SCAF11: variants seen among roughly 807,000 people sequenced by gnomAD.
The protein encoded by SCAF11 is SR-related CTD associated factor 11.
A neutral mutation model predicts 140.5 loss-of-function variants in SCAF11; 47 were observed. The observed-to-expected ratio is 0.33, with a 90% CI of 0.26 to 0.43. The LOEUF (loss-of-function observed/expected upper bound fraction) is 0.43, where lower values mean the gene tolerates loss of function less well. SCAF11 is among the 20% of genes least tolerant of loss of function. SCAF11 has a pLI of 1.00. For synonymous variants in SCAF11, 557 were observed against 579.4 expected (o/e 0.96, Z 0.55); for missense variants, 1,645 against 1,705.1 (o/e 0.96, Z 0.62).
intron 1 of SCAF11, among the ~76,000 whole-genome samples, chr12:45,984,581 T>C (rs1387295773): frequency 1.3e-5 from 2 of 152,220 alleles, no homozygotes; most frequent in Admixed American, 6.5e-5. Flanking sequence ...GACTGTAAAA[T>C]AGCCCATTCC....
chr12:45,980,539 T>C lies in SCAF11; in HGVS notation c.-22+9814A>G, dbSNP rs140493845. ...GGAAACACCTAGCAAGTGATGGAGC[T>C]GGGACTGAAATTCAGATAATCAGGC... is the stretch of plus-strand genomic sequence containing the variant. On this transcript the variant is annotated intron_variant, in intron 1 of 14. Coordinates refer to ENST00000369367, the MANE Select transcript of SCAF11 (RefSeq NM_004719.3). 2.6e-5 allele frequency among the ~76,000 whole-genome samples: 4 copies of C among 152,282 alleles called. No individual in the cohort carries two copies. In the East Asian group the frequency reaches 7.7e-4, roughly 29 times the overall value.
chr12:45,970,797 C>T lies in SCAF11; in HGVS notation c.-21-6609G>A, dbSNP rs146751109. 1.2e-4 allele frequency among the ~76,000 whole-genome samples: 19 copies of T among 152,322 alleles called. 1 individual carries two copies. In the East Asian group the frequency reaches 2.7e-3, roughly 22 times the overall value. On this transcript the variant is annotated intron_variant, in intron 1 of 14. Transcript: ENST00000369367. ...AAAATTAAGAAGCTGAAGTCACCCA[C>T]ATTTACAGGTCTTTTAATAAAATCA...
chr12:45,935,639 TTAACGAGTA>T (rs1565666989), intron 6 of SCAF11, among the ~76,000 whole-genome samples: 1 of 152,216 alleles, frequency 6.6e-6, no homozygotes, highest in Non-Finnish European at 1.5e-5. Flanking sequence ...CACTCAACAC[TTAACGAGTA>T]TGTAGTGTTT....
Position 45,990,514 on chromosome 12 carries a change from G to A in SCAF11, c.-183C>T. ...ACTCCGCTGGCTCGGTCCGGAGGCGGCGGCGAAGCAGGGAGCGACCCAGGT... is the reference window on the plus strand; with the variant it reads ...ACTCCGCTGGCTCGGTCCGGAGGCGACGGCGAAGCAGGGAGCGACCCAGGT... On this transcript the variant is annotated 5_prime_UTR_variant, in exon 1 of 15. Coordinates refer to ENST00000369367, the MANE Select transcript of SCAF11 (RefSeq NM_004719.3). The A allele has an allele frequency of 8.1e-7, 1 of 1,232,034 alleles. No homozygotes were observed. Among genetic ancestry groups the A allele is most frequent in the Non-Finnish European group, 1.0e-6 (1 of 988,260 alleles). 76.3% of individuals were successfully genotyped at this position (1,232,034 alleles called of 1,614,324 possible).
intron 1 of SCAF11, among the ~76,000 whole-genome samples, chr12:45,973,916 C>T (rs1180419803): frequency 6.6e-6 from 1 of 152,166 alleles, no homozygotes; most frequent in African/African-American, 2.4e-5. Context: ...CCTGAGCAAA[C>T]ATAGTTAACT....
intron 1 of SCAF11, among the ~76,000 whole-genome samples, chr12:45,979,523 C>T (rs1488317703): frequency 6.6e-6 from 1 of 152,140 alleles, no homozygotes; most frequent in Admixed American, 6.5e-5. Context: ...TGCACAAATG[C>T]TGAAAGTTAC....
chr12:45,962,149 T>C (rs1053679500), intron 2 of SCAF11, among the ~76,000 whole-genome samples: 7 of 152,190 alleles, frequency 4.6e-5, no homozygotes, highest in Non-Finnish European at 8.8e-5. Flanking sequence ...TTTATCCCCA[T>C]CCAGTTCCAA....
intron 3 of SCAF11, chr12:45,955,694 T>C (rs1054267975): frequency 2.0e-5 from 3 of 153,572 alleles, no homozygotes; most frequent in African/African-American, 7.2e-5. Context: ...TTGCCTTAAA[T>C]ACAATAAAAA....
At chr12:45,974,499 T>G in intron 1 of SCAF11, 1 of 238,586 alleles carries the variant, frequency 4.2e-6, no homozygotes, top group South Asian at 5.1e-5. Flanking sequence ...ATCAACTAAG[T>G]TTATATACTA....
rs201355293 is a variant in SCAF11, at chr12:45,927,743, C to T, written c.1958G>A (p.Gly653Glu). 1 of 1,612,330 alleles carries T rather than the reference C, an allele frequency of 6.2e-7. No homozygotes were observed. Residue 653 changes from glycine (G) to glutamate (E), a missense_variant, in exon 11 of 15, where the codon GGG (glycine) becomes GAG (glutamate). Around this residue, in one of 2 missense-constraint regions of SCAF11, gnomAD observed 1,582 missense variants for 1,609.2 expected, o/e 0.98. Coordinates refer to ENST00000369367, the MANE Select transcript of SCAF11 (RefSeq NM_004719.3). ...TTGAATATTATTGAAATCTTCATTC[C>T]CAAAAGTATCACATGTTGCAATTAT... Reference protein sequence around the residue: ...VEIIATCDTFGNEDFNNIQDS... With the variant: ...VEIIATCDTFENEDFNNIQDS...
At chr12:45,986,991 G>A (rs765432197) in intron 1 of SCAF11, among the ~76,000 whole-genome samples, 7 of 152,168 alleles carry the variant, frequency 4.6e-5, no homozygotes, top group Non-Finnish European at 5.9e-5. Context: ...ACTCTTAGCT[G>A]AGGCATTCTT....
At chr12:45,991,238 G>C (rs986236242), upstream of SCAF11, among the ~76,000 whole-genome samples, 14 of 152,134 alleles carry the variant, frequency 9.2e-5, no homozygotes, top group Non-Finnish European at 2.9e-5. Flanking sequence ...CCGAGCCTAG[G>C]GGCTTTCCCA....
intron 6 of SCAF11, among the ~76,000 whole-genome samples, chr12:45,938,283 A>G (rs556743243): frequency 6.6e-6 from 1 of 152,258 alleles, no homozygotes; most frequent in Admixed American, 6.5e-5. Flanking sequence ...TGAGGTCAGG[A>G]GTTCGAGACC....
chr12:45,955,094 G>T (rs1445151904), intron 3 of SCAF11: 1 of 151,986 alleles, frequency 6.6e-6, no homozygotes, highest in Non-Finnish European at 1.5e-5. Flanking sequence ...TATATAAAAT[G>T]TAATTACCTA....
Position 45,926,111 on chromosome 12 carries a change from C to T in SCAF11, c.3559+31G>A, listed in dbSNP as rs192530303. The T allele has an allele frequency of 3.3e-6, 5 of 1,530,130 alleles. No homozygotes were observed. The African/African-American group carries it at 5.6e-5, about 17-fold the overall frequency. 94.8% of individuals were successfully genotyped at this position (1,530,130 alleles called of 1,614,324 possible). A position where few individuals can be genotyped will look rare whatever the true frequency, so the allele number is the denominator to read the frequency against. ...TAAATTTATAATTCTTCAAATAAAA[C>T]AGTATCAATAAACCAACAAGAATAC... On this transcript the variant is annotated intron_variant, in intron 11 of 14. Transcript: ENST00000369367.
In SCAF11 at chr12:45,921,123, C is replaced by CTAA. The variant is rs1479197957; in HGVS notation, c.*924_*925insTTA. 2 of 152,232 alleles carry CTAA rather than the reference C, an allele frequency of 1.3e-5. No homozygotes were observed. Among genetic ancestry groups the CTAA allele is most frequent in the African/African-American group, 4.8e-5 (2 of 41,390 alleles). The allele number at this position is 152,232 out of a possible 1,614,324, so 9.4% of individuals were successfully genotyped here. On this transcript the variant is annotated 3_prime_UTR_variant, in exon 15 of 15. Transcript: ENST00000369367. ...TCAGCCTCTCGCATAGCTGGGATTA[C>CTAA]AGGCGCCCACCACCACGCCTGGCTA... is the stretch of plus-strand genomic sequence containing the variant.
intron 1 of SCAF11, among the ~76,000 whole-genome samples, chr12:45,966,440 G>C (rs996607339): frequency 6.6e-6 from 1 of 151,010 alleles, no homozygotes; most frequent in African/African-American, 2.4e-5. Flanking sequence ...ATGTTCTAGT[G>C]GGGAAGACAA....
intron 3 of SCAF11, chr12:45,961,211 C>T (rs1453117806): frequency 9.0e-6 from 6 of 663,770 alleles, no homozygotes; most frequent in Non-Finnish European, 1.4e-5. Flanking sequence ...AGTCATAGAA[C>T]ATAAAATCCA....
chr12:45,934,443 A>C lies in SCAF11; in HGVS notation c.522+4T>G. ...GAAAAAGATTTTTCTTGGTTTCAAC[A>C]AACCTTATTTATCTTTATTGCTGCA... On this transcript the variant is annotated splice_donor_region_variant and intron_variant, in intron 7 of 14. Coordinates refer to ENST00000369367, the MANE Select transcript of SCAF11 (RefSeq NM_004719.3). 1 of 1,589,880 alleles carries C rather than the reference A, an allele frequency of 6.3e-7. No individual in the cohort carries two copies. The highest frequency in any genetic ancestry group is 8.5e-7 in the Non-Finnish European group (1 of 1,170,760).
Sources: gnomAD v4.1 joint callset for allele counts (sites outside exome capture counted in the v4.1 genomes callset) on GRCh38, gnomAD v4.1.1 for gene constraint, gnomAD v4.1.1 regional missense constraint, MANE v1.5 for transcripts, NCBI Gene and HGNC (gene_info 2026-07-23, HGNC 2026-07-21) for gene names.